PKHD1L1: variants seen among roughly 807,000 people sequenced by gnomAD.
PKHD1L1 encodes fibrocystin-L.
PKHD1L1 carries 434 observed loss-of-function variants against 462.9 expected under a neutral mutation model. The ratio of observed to expected loss-of-function variants is 0.94; its 90% CI spans 0.87 to 1.02. The LOEUF (loss-of-function observed/expected upper bound fraction) is 1.02, where lower values mean the gene tolerates loss of function less well. Ranked by LOEUF, PKHD1L1 falls within the 50% of genes least tolerant of loss-of-function variation. The probability of loss-of-function intolerance (pLI) is 0.00; values close to 1 mark genes in which losing one functional copy is unlikely to be tolerated. For synonymous variants in PKHD1L1, 1,781 were observed against 1,750.0 expected (o/e 1.02, Z -0.44); for missense variants, 5,202 against 5,096.1 (o/e 1.02, Z -0.63).
chr8:109,458,760 C>A (rs531067603), intron 46 of PKHD1L1, among the ~76,000 whole-genome samples: 1 of 152,098 alleles, frequency 6.6e-6, no homozygotes, highest in Non-Finnish European at 1.5e-5. Flanking sequence ...CTTAGGCTTA[C>A]CTTTGTTAAC....
At chr8:109,413,818 A>T (rs923403127) in intron 21 of PKHD1L1, among the ~76,000 whole-genome samples, 3 of 152,184 alleles carry the variant, frequency 2.0e-5, no homozygotes, top group Admixed American at 1.3e-4. Flanking sequence ...ACAATGGTAA[A>T]CTTTAGAATT....
Position 109,494,875 on chromosome 8 carries a change from C to T in PKHD1L1, c.10327+1124C>T, listed in dbSNP as rs562738147. 3.3e-5 allele frequency among the ~76,000 whole-genome samples: 5 copies of T among 151,832 alleles called. No homozygotes were observed. The East Asian group carries it at 9.7e-4, about 29-fold the overall frequency. ...CAAAAAAGTAAAATACATAATAAAT[C>T]TGCAGACTTTACCCCTCAAGAAATT... On this transcript the variant is annotated intron_variant, in intron 63 of 77. Coordinates refer to ENST00000378402, the MANE Select transcript of PKHD1L1 (RefSeq NM_177531.6).
intron 24 of PKHD1L1, among the ~76,000 whole-genome samples, chr8:109,425,601 G>A (rs544493244): frequency 6.6e-6 from 1 of 151,840 alleles, no homozygotes; most frequent in Non-Finnish European, 1.5e-5. Context: ...TTTTTTAAAG[G>A]CAGTTGAAAT....
At chr8:109,467,024 G>C (rs562413811) in intron 50 of PKHD1L1, among the ~76,000 whole-genome samples, 4 of 152,100 alleles carry the variant, frequency 2.6e-5, no homozygotes, top group African/African-American at 7.2e-5. Flanking sequence ...GGGAGCGTTG[G>C]CACAGCCCTT....
chr8:109,429,840 A>G (rs1814991499), intron 26 of PKHD1L1, 92 bp from the exon 27 acceptor site: 2 of 864,040 alleles, frequency 2.3e-6, no homozygotes, highest in Non-Finnish European at 3.7e-6. Flanking sequence ...TTAGCAAACC[A>G]ACAAAATTCC....
chr8:109,419,127 T>A lies in PKHD1L1; in HGVS notation c.2391T>A (p.Asp797Glu), dbSNP rs74937681. Residue 797 changes from aspartate (D) to glutamate (E), a missense_variant, in exon 22 of 78, where the codon GAT (aspartate) becomes GAA (glutamate). Coordinates refer to ENST00000378402, the MANE Select transcript of PKHD1L1 (RefSeq NM_177531.6). ...NWTYTCIDLL[D>E]LVRTKYTGTN... ...CTTACACTTGCATAGACCTTCTGGA[T>A]CTCGTAAGAACGAAATACACTGGGA... 1.8e-3 allele frequency: 2,913 copies of A among 1,613,524 alleles called. 50 individuals are homozygous for A. The African/African-American group carries it at 0.035, about 19-fold the overall frequency.
chr8:109,456,250 T>C lies in PKHD1L1; in HGVS notation c.6875-12T>C, dbSNP rs1364673805. The C allele has an allele frequency of 1.9e-6, 3 of 1,608,584 alleles. No homozygotes were observed. Among genetic ancestry groups the C allele is most frequent in the Non-Finnish European group, 2.5e-6 (3 of 1,177,894 alleles). ...CATGTAAGGAAATACTCAGTGTGTA[T>C]GTTGGTTCTAGGTGTGCCTGTTCCT... is the stretch of plus-strand genomic sequence containing the variant. On this transcript the variant is annotated splice_polypyrimidine_tract_variant and intron_variant, in intron 45 of 77. Coordinates refer to ENST00000378402, the MANE Select transcript of PKHD1L1 (RefSeq NM_177531.6).
chr8:109,441,414 G>A lies in PKHD1L1; in HGVS notation c.4204+35G>A. ...ATTTATATACTATGAAATAATGGAA[G>A]CACTGAAACCTGAAATTAATTTGAT... On this transcript the variant is annotated intron_variant, in intron 34 of 77. Coordinates refer to ENST00000378402, the MANE Select transcript of PKHD1L1 (RefSeq NM_177531.6). 6 of 1,174,414 alleles carry A rather than the reference G, an allele frequency of 5.1e-6. No homozygotes were observed. The East Asian group carries it at 7.5e-5, about 15-fold the overall frequency. 72.7% of individuals were successfully genotyped at this position (1,174,414 alleles called of 1,614,324 possible). A position where few individuals can be genotyped will look rare whatever the true frequency, so the allele number is the denominator to read the frequency against.
rs1812399041 is a variant in PKHD1L1, at chr8:109,385,595, A to G, written c.534A>G (p.Ala178=). 1 of 1,604,904 alleles carries G rather than the reference A, an allele frequency of 6.2e-7. No individual in the cohort carries two copies. Among genetic ancestry groups the G allele is most frequent in the African/African-American group, 1.3e-5 (1 of 74,580 alleles). The change falls in exon 6 of 78, where the codon GCA becomes GCG. Residue 178 remains alanine, a synonymous_variant. Coordinates refer to ENST00000378402, the MANE Select transcript of PKHD1L1 (RefSeq NM_177531.6). ...IFTDVYGSNI[A]LSSNGKNVRI... ...CTGATGTCTATGGAAGTAATATTGC[A>G]CTAAGCTCAAATGGGAAAAATGTTA...
At chr8:109,509,783 T>C (rs1273579215) in intron 70 of PKHD1L1, among the ~76,000 whole-genome samples, 1 of 152,044 alleles carries the variant, frequency 6.6e-6, no homozygotes, top group Non-Finnish European at 1.5e-5. Flanking sequence ...AGGCAATACA[T>C]GAACTTTAGA....
chr8:109,414,971 ATTATTATTATT>A, intron 21 of PKHD1L1, among the ~76,000 whole-genome samples: 2 of 62,040 alleles, frequency 3.2e-5, no homozygotes, highest in Non-Finnish European at 6.3e-5. Context: ...CATTATTATT[ATTATTATTATT>A]ATTATTATTA....
chr8:109,398,396 C>T, intron 11 of PKHD1L1, 63 bp from the exon 12 acceptor site: 1 of 1,030,140 alleles, frequency 9.7e-7, no homozygotes, highest in Non-Finnish European at 1.5e-6. Flanking sequence ...CTTAAAGATA[C>T]ACTGATGTGA....
chr8:109,390,900 T>C (rs1488422784), intron 9 of PKHD1L1, among the ~76,000 whole-genome samples: 2 of 152,112 alleles, frequency 1.3e-5, no homozygotes, highest in African/African-American at 4.8e-5. Flanking sequence ...ACATAGAGAG[T>C]TGTGAAAGAT....
At chr8:109,388,576 A>C in intron 7 of PKHD1L1, 26 bp downstream of exon 7, 1 of 1,442,240 alleles carries the variant, frequency 6.9e-7, no homozygotes, top group Non-Finnish European at 9.5e-7. Flanking sequence ...TATTTTCTTT[A>C]CAAAAACAAA....
intron 50 of PKHD1L1, among the ~76,000 whole-genome samples, chr8:109,474,762 T>C (rs1817891976): frequency 6.6e-6 from 1 of 152,134 alleles, no homozygotes; most frequent in Admixed American, 6.6e-5. Flanking sequence ...ATTATATTAA[T>C]ATATTTAGGC....
At position 109,433,211 on chromosome 8, in the gene PKHD1L1, T is replaced by C. The variant is rs1410603253; in HGVS notation, c.3335T>C (p.Val1112Ala). Residue 1112 changes from valine to alanine, a missense_variant, in exon 28 of 78, where the codon GTG becomes GCG. Val to Ala is a moderately conservative substitution (Grantham distance 64, BLOSUM62 0). Coordinates refer to ENST00000378402, the MANE Select transcript of PKHD1L1 (RefSeq NM_177531.6). ...CCAGTAGGTTGTTCTCTTCTTTCTG[T>C]GGATGGTAGGTCCTTTTAAAAACTA... ...VGPVGCSLLS[V>A]DEKELKCQIL... is the part of the protein sequence containing the mutation. 6.2e-7 allele frequency: 1 copy of C among 1,607,144 alleles called. No homozygotes were observed. Among genetic ancestry groups the C allele is most frequent in the South Asian group, 1.1e-5 (1 of 90,534 alleles).
At chr8:109,398,960 A>C (rs1404348366) in intron 12 of PKHD1L1, among the ~76,000 whole-genome samples, 1 of 152,188 alleles carries the variant, frequency 6.6e-6, no homozygotes, top group African/African-American at 2.4e-5. Context: ...GAGTGAAAAC[A>C]GGAGATGAGA....
chr8:109,499,561 T>C (rs1294741299), intron 67 of PKHD1L1, among the ~76,000 whole-genome samples: 1 of 152,210 alleles, frequency 6.6e-6, no homozygotes, highest in African/African-American at 2.4e-5. Flanking sequence ...AATAATATGC[T>C]CCAGAATATT....
intron 49 of PKHD1L1, 116 bp from the exon 50 acceptor site, chr8:109,466,462 A>G (rs1031710910): frequency 4.7e-6 from 5 of 1,068,976 alleles, no homozygotes; most frequent in African/African-American, 1.6e-5. Flanking sequence ...AAACAAAACT[A>G]CCCAGACTTT....
Sources: gnomAD v4.1 joint callset for allele counts (sites outside exome capture counted in the v4.1 genomes callset) on GRCh38, gnomAD v4.1.1 for gene constraint, MANE v1.5 for transcripts, NCBI Gene and HGNC (gene_info 2026-07-23, HGNC 2026-07-21) for gene names.